The following CD46 variants were observed in gnomAD, a reference collection of about 807,000 sequenced individuals.
The protein encoded by CD46 is membrane cofactor protein.
CD46 carries 30 observed loss-of-function variants against 53.3 expected under a neutral mutation model. That is an observed-to-expected ratio of 0.56 (90% confidence interval 0.42 to 0.76). The LOEUF (loss-of-function observed/expected upper bound fraction) is 0.76. Ranked by LOEUF, CD46 falls within the 30% of genes least tolerant of loss-of-function variation. CD46 has a pLI of 0.00. For missense variants in CD46, 409 were observed against 463.0 expected, an observed-to-expected ratio of 0.88 and a Z score of 1.07; for synonymous variants, 142 against 152.0, an observed-to-expected ratio of 0.93 and a Z score of 0.48.
At chr1:207,765,418 TA>T (rs1048929928) in intron 5 of CD46, among the ~76,000 whole-genome samples, 1 of 152,100 alleles carries the variant, frequency 6.6e-6, no homozygotes, top group Admixed American at 6.5e-5. Context: ...ACTTAGTGGT[TA>T]AAAAAACCTT....
rs771129481 is a variant in CD46 at position 207,793,618 on chromosome 1, TTCA to T, written c.*144_*146del. On this transcript the variant is annotated 3_prime_UTR_variant, in exon 13 of 13. Coordinates refer to ENST00000367042, the MANE Select transcript of CD46 (RefSeq NM_172351.3). ...TAGATTCCACAACCTGGTTTGCCAG[TTCA>T]TCTTTTGACTCTATTAAAATCTTCA... 5 of 1,591,724 alleles carry T rather than the reference TTCA, an allele frequency of 3.1e-6. No individual in the cohort carries two copies. In the Admixed American group the frequency reaches 6.7e-5, roughly 21 times the overall value.
At chr1:207,756,916 T>C (rs1181229589) in intron 1 of CD46, 98 bp from the exon 2 acceptor site, 63 of 976,700 alleles carry the variant, frequency 6.5e-5, no homozygotes, top group Non-Finnish European at 9.1e-5. Flanking sequence ...CAAGGGCCTT[T>C]CTGTTTTTTC....
chr1:207,782,865 G>T (rs1658906960), intron 8 of CD46, among the ~76,000 whole-genome samples: 1 of 150,578 alleles, frequency 6.6e-6, no homozygotes, highest in Non-Finnish European at 1.5e-5. Context: ...ATGTTGGCCA[G>T]GATGGTCTCG....
Position 207,774,956 on chromosome 1 carries a change from G to A in CD46, c.943+4594G>A, listed in dbSNP as rs543537355. 1.6e-4 allele frequency among the ~76,000 whole-genome samples: 25 copies of A among 152,230 alleles called. No homozygotes were observed. The South Asian group carries it at 4.4e-3, about 27-fold the overall frequency. ...GTCTTGCTAGTTTAGGGAAGTCCTC[G>A]TGGACAATATCCTGAAGAGTGTTTT... On this transcript the variant is annotated intron_variant, in intron 8 of 12. Coordinates refer to ENST00000367042, the MANE Select transcript of CD46 (RefSeq NM_172351.3).
chr1:207,760,307 T>C (rs1205673303), intron 4 of CD46: 3 of 152,920 alleles, frequency 2.0e-5, no homozygotes, highest in Non-Finnish European at 2.9e-5. Context: ...TTTGCATATC[T>C]CTTCAACATC....
At chr1:207,766,545 A>G (rs1656870583) in intron 5 of CD46, among the ~76,000 whole-genome samples, 1 of 152,186 alleles carries the variant, frequency 6.6e-6, no homozygotes, top group Admixed American at 6.5e-5. Context: ...ATATTGGCCA[A>G]AAATTATCCA....
intron 5 of CD46, among the ~76,000 whole-genome samples, chr1:207,764,548 G>T (rs1656629826): frequency 6.6e-6 from 1 of 151,980 alleles, no homozygotes; most frequent in Admixed American, 6.6e-5. Context: ...TGTGCATATG[G>T]TCATTCTTTA....
chr1:207,759,282 C>A (rs1349246064), intron 3 of CD46, among the ~76,000 whole-genome samples: 1 of 152,190 alleles, frequency 6.6e-6, no homozygotes, highest in Admixed American at 6.5e-5. Flanking sequence ...TCCATTCCAG[C>A]TCTAGGGCCT....
At chr1:207,761,198 A>C in intron 4 of CD46, 51 bp from the exon 5 acceptor site, 1 of 1,189,626 alleles carries the variant, frequency 8.4e-7, no homozygotes, top group South Asian at 1.3e-5. Flanking sequence ...AATTTTACTA[A>C]TGCTGTCTTA....
rs11345183 is a variant in CD46, at chr1:207,763,955, C to CT, written c.673+2526dup. On this transcript the variant is annotated intron_variant, in intron 5 of 12. Transcript: ENST00000367042. ...GGGGAAAACACACACAGCTGCTACA[C>CT]TTTTTTTTTTTTTTTTTGTCATTGG... Among the ~76,000 whole-genome samples the CT allele has an allele frequency of 2.5e-3, 318 of 126,568 alleles. 1 individual carries two copies. Among genetic ancestry groups the CT allele is most frequent in the South Asian group, 8.7e-3 (34 of 3,926 alleles). The allele number at this position is 126,568 out of a possible 152,430, so 83.0% of individuals were successfully genotyped here.
In CD46 at chr1:207,793,634, A is replaced by G. The variant is rs1571713092; in HGVS notation, c.*157A>G. On this transcript the variant is annotated 3_prime_UTR_variant, in exon 13 of 13. Coordinates refer to ENST00000367042, the MANE Select transcript of CD46 (RefSeq NM_172351.3). The stretch of plus-strand genomic sequence containing the variant: ...GTTTGCCAGTTCATCTTTTGACTCT[A>G]TTAAAATCTTCAATAGTTGTTATTC... 4 of 1,495,084 alleles carry G rather than the reference A, an allele frequency of 2.7e-6. No individual in the cohort carries two copies. Among genetic ancestry groups the G allele is most frequent in the East Asian group, 2.3e-5 (1 of 44,286 alleles). The allele number at this position is 1,495,084 out of a possible 1,614,324, so 92.6% of individuals were successfully genotyped here.
chr1:207,789,870 GAAAAAAAA>G (rs150136290), intron 11 of CD46, among the ~76,000 whole-genome samples: 23 of 43,348 alleles, frequency 5.3e-4, no homozygotes, highest in East Asian at 1.5e-3. Context: ...GCTGTGTCTT[GAAAAAAAA>G]AAAAAAAAAA....
Position 207,785,664 on chromosome 1 carries a change from A to C in CD46, c.1064A>C (p.Gln355Pro), listed in dbSNP as rs765512210. ...TGTGTTGTCCCGTACAGATATCTTC[A>C]AAGGAGGAAGAAGAAAGGGTAAATT... is the stretch of plus-strand genomic sequence containing the variant. ...VICVVPYRYLQRRKKKGTYLT... is the reference protein window; with the variant it reads ...VICVVPYRYLPRRKKKGTYLT... Residue 355 changes from glutamine to proline, a missense_variant, in exon 11 of 13, where the codon CAA (glutamine) becomes CCA (proline). Gln to Pro is a moderately conservative substitution (Grantham distance 76). Transcript: ENST00000367042. 1.2e-6 allele frequency: 2 copies of C among 1,608,842 alleles called. No individual in the cohort carries two copies. Among genetic ancestry groups the C allele is most frequent in the South Asian group, 2.2e-5 (2 of 90,964 alleles).
rs1334227220 is a variant in CD46, at chr1:207,794,602, T to TA, written c.*1126dup. ...GTAAAAGCCATCTATGTATATGTCT[T>TA]ACCTCATCTCCTAAAAGGCAGAGTA... On this transcript the variant is annotated 3_prime_UTR_variant, in exon 13 of 13. Transcript: ENST00000367042. The TA allele has an allele frequency of 1.3e-5, 2 of 152,246 alleles. No homozygotes were observed. The highest frequency in any genetic ancestry group is 2.4e-5 in the African/African-American group (1 of 41,474). The allele number at this position is 152,246 out of a possible 1,614,324, so 9.4% of individuals were successfully genotyped here. A position where few individuals can be genotyped will look rare whatever the true frequency, so the allele number is the denominator to read the frequency against.
chr1:207,760,353 T>A (rs1656039779), intron 4 of CD46: 1 of 152,506 alleles, frequency 6.6e-6, no homozygotes, highest in South Asian at 2.1e-4. Flanking sequence ...CCTGTTGTGT[T>A]ATCACACAAT....
intron 3 of CD46, among the ~76,000 whole-genome samples, chr1:207,757,952 A>G (rs1655752875): frequency 1.3e-5 from 2 of 152,238 alleles, no homozygotes; most frequent in South Asian, 2.1e-4. Context: ...GCCAACTCTT[A>G]GAGTTGAAGT....
intron 12 of CD46, 36 bp from the exon 13 acceptor site, chr1:207,793,483 T>A (rs182458021): frequency 6.7e-7 from 1 of 1,497,774 alleles, no homozygotes; most frequent in African/African-American, 1.4e-5. Context: ...TTAATTATAT[T>A]TATCTTTGAC....
intron 10 of CD46, 125 bp from the exon 11 acceptor site, chr1:207,785,494 T>C: frequency 1.3e-6 from 1 of 780,466 alleles, no homozygotes; most frequent in Non-Finnish European, 2.3e-6. Flanking sequence ...GGAATATAAA[T>C]GTGTAGGTGC....
intron 8 of CD46, among the ~76,000 whole-genome samples, chr1:207,780,955 A>C (rs1658679345): frequency 6.6e-6 from 1 of 151,792 alleles, no homozygotes; most frequent in Non-Finnish European, 1.5e-5. Flanking sequence ...AGAGAGAGTA[A>C]GAGGGACAAA....
Sources: allele counts gnomAD v4.1 joint callset (sites outside exome capture counted in the v4.1 genomes callset), GRCh38; gene constraint gnomAD v4.1.1; transcripts MANE v1.5; gene names NCBI Gene and HGNC (gene_info 2026-07-23, HGNC 2026-07-21).